Variants in LRRIQ3 observed in about 807,000 individuals in gnomAD.
The protein encoded by LRRIQ3 is leucine rich repeats and IQ motif containing 3.
LRRIQ3 carries 75 observed loss-of-function variants against 59.3 expected under a neutral mutation model. That is an observed-to-expected ratio of 1.26 (90% CI 1.05 to 1.53). The LOEUF is 1.53. LRRIQ3 is among the 40% of genes most tolerant of loss of function. The pLI, the probability that LRRIQ3 is intolerant of heterozygous loss-of-function variation, is 0.00. For synonymous variants in LRRIQ3, 250 were observed against 231.3 expected (o/e 1.08, Z -0.73); for missense variants, 831 against 710.0 (o/e 1.17, Z -1.94).
intron 6 of LRRIQ3, among the ~76,000 whole-genome samples, chr1:74,060,233 C>T (rs1169762961): frequency 6.8e-6 from 1 of 146,316 alleles, no homozygotes; most frequent in South Asian, 2.2e-4. Flanking sequence ...TCTTCTTCTT[C>T]TTCTTCTTCT....
In LRRIQ3 at chr1:74,198,046, C is replaced by T; in HGVS notation, c.-51G>A. 1 of 853,372 alleles carries T rather than the reference C, an allele frequency of 1.2e-6. No individual in the cohort carries two copies. Among genetic ancestry groups the T allele is most frequent in the Admixed American group, 3.0e-5 (1 of 33,172 alleles). The allele number at this position is 853,372 out of a possible 1,614,324, so 52.9% of individuals were successfully genotyped here. ...ATGAGTTGGAGACAAGTGGCCCAGC[C>T]CCAACACAGTCAGACAAATCGCTGG... On this transcript the variant is annotated 5_prime_UTR_variant, in exon 1 of 8. Transcript: ENST00000354431.
At chr1:74,076,003 G>A (rs1022601460) in intron 5 of LRRIQ3, among the ~76,000 whole-genome samples, 16 of 152,056 alleles carry the variant, frequency 1.1e-4, no homozygotes, top group Middle Eastern at 3.2e-3. Context: ...CCCCACATCC[G>A]GCTATGAAGG....
intron 5 of LRRIQ3, chr1:74,082,192 T>A (rs1335534087): frequency 2.0e-5 from 3 of 151,524 alleles, no homozygotes; most frequent in African/African-American, 7.3e-5. Flanking sequence ...TATTTCCCTA[T>A]GTAGATGTGA....
intron 6 of LRRIQ3, among the ~76,000 whole-genome samples, chr1:74,042,899 G>A (rs975596419): frequency 6.6e-6 from 1 of 152,028 alleles, no homozygotes; most frequent in Admixed American, 6.6e-5. Flanking sequence ...ACGTAGAGAT[G>A]AGAATGAAAC....
In LRRIQ3 at chr1:74,041,246, C is replaced by T. The variant is rs1342131718; in HGVS notation, c.1685G>A (p.Arg562Lys). The change falls in exon 7 of 8, where the codon AGA (arginine) becomes AAA (lysine). Residue 562 changes from arginine to lysine, a missense_variant. Coordinates refer to ENST00000354431, the MANE Select transcript of LRRIQ3 (RefSeq NM_001105659.2). ...VKQKLKAEKY[R>K]KNLLKEMKKV... ...TTTCATTTCTTTAAGTAAATTCTTT[C>T]TATATTTTTCTGCTTTTAGTTTTTG... 6.3e-7 allele frequency: 1 copy of T among 1,587,592 alleles called. No homozygotes were observed. Among genetic ancestry groups the T allele is most frequent in the Non-Finnish European group, 8.5e-7 (1 of 1,170,354 alleles).
intron 3 of LRRIQ3, among the ~76,000 whole-genome samples, chr1:74,158,603 G>A (rs918255771): frequency 3.3e-5 from 5 of 152,060 alleles, no homozygotes; most frequent in African/African-American, 1.2e-4. Flanking sequence ...CCTGTGTCGT[G>A]TGAAATAATT....
intron 3 of LRRIQ3, among the ~76,000 whole-genome samples, chr1:74,163,966 T>G (rs2100685214): frequency 6.6e-6 from 1 of 151,662 alleles, no homozygotes; most frequent in South Asian, 2.1e-4. Flanking sequence ...TCATTGTGGT[T>G]TCAATTTCCA....
At chr1:74,072,651 G>T (rs113887206) in intron 6 of LRRIQ3, among the ~76,000 whole-genome samples, 1 of 151,900 alleles carries the variant, frequency 6.6e-6, no homozygotes, top group African/African-American at 2.4e-5. Flanking sequence ...ATATGGTGGG[G>T]CAATTTATGC....
intron 6 of LRRIQ3, among the ~76,000 whole-genome samples, chr1:74,073,690 G>A (rs528856829): frequency 1.3e-5 from 2 of 151,868 alleles, no homozygotes; most frequent in East Asian, 3.9e-4. Flanking sequence ...CTGGCAATGA[G>A]GATCTAACAG....
intron 4 of LRRIQ3, among the ~76,000 whole-genome samples, chr1:74,121,458 T>C (rs561813166): frequency 1.3e-5 from 2 of 152,278 alleles, no homozygotes; most frequent in Non-Finnish European, 2.9e-5. Flanking sequence ...TGGGCAAGAC[T>C]ATGTGGCACA....
At chr1:74,096,923 G>A (rs1646457043) in intron 5 of LRRIQ3, among the ~76,000 whole-genome samples, 1 of 152,084 alleles carries the variant, frequency 6.6e-6, no homozygotes, top group Non-Finnish European at 1.5e-5. Context: ...CGTCTCAGAG[G>A]GGTACCCGGC....
intron 5 of LRRIQ3, among the ~76,000 whole-genome samples, chr1:74,101,821 A>G (rs889445379): frequency 5.9e-5 from 9 of 152,046 alleles, no homozygotes; most frequent in African/African-American, 2.2e-4. Context: ...AAAAAACCAA[A>G]CACCGCATGT....
intron 3 of LRRIQ3, among the ~76,000 whole-genome samples, chr1:74,159,829 CATATT>C (rs1570234614): frequency 6.6e-6 from 1 of 152,224 alleles, no homozygotes; most frequent in African/African-American, 2.4e-5. Flanking sequence ...AATCCACACT[CATATT>C]ATATTATCTA....
chr1:74,172,068 T>G (rs1649357265), intron 3 of LRRIQ3, among the ~76,000 whole-genome samples: 1 of 152,176 alleles, frequency 6.6e-6, no homozygotes, highest in South Asian at 2.1e-4. Flanking sequence ...CAACTGAATT[T>G]TGTTGAATTT....
At chr1:74,035,089 C>T (rs72960122) in intron 7 of LRRIQ3, among the ~76,000 whole-genome samples, 25 of 152,046 alleles carry the variant, frequency 1.6e-4, no homozygotes, top group African/African-American at 5.5e-4. Context: ...TTTCAATCTC[C>T]GTGAACAATT....
chr1:74,028,092 G>C (rs1004741047), intron 7 of LRRIQ3, among the ~76,000 whole-genome samples: 3 of 152,086 alleles, frequency 2.0e-5, no homozygotes, highest in Non-Finnish European at 4.4e-5. Context: ...AACAAAGGTA[G>C]AGAGGGTAGC....
chr1:74,065,717 A>G (rs1206153481), intron 6 of LRRIQ3, among the ~76,000 whole-genome samples: 1 of 152,018 alleles, frequency 6.6e-6, no homozygotes, highest in Non-Finnish European at 1.5e-5. Context: ...TTGTAATTTT[A>G]TTTTTTATTA....
At chr1:74,191,480 A>G (rs937383740) in intron 1 of LRRIQ3, among the ~76,000 whole-genome samples, 4 of 152,154 alleles carry the variant, frequency 2.6e-5, no homozygotes, top group Admixed American at 2.6e-4. Flanking sequence ...ACAACAACAG[A>G]ATATACATTC....
rs201627928 is a variant in LRRIQ3 at position 74,107,457 on chromosome 1, G to GC, written c.867+1936dup. Among the ~76,000 whole-genome samples the GC allele has an allele frequency of 2.6e-3, 389 of 151,268 alleles. 2 individuals carry two copies. Among genetic ancestry groups the GC allele is most frequent in the African/African-American group, 9.2e-3 (378 of 41,236 alleles). On this transcript the variant is annotated intron_variant, in intron 5 of 7. Transcript: ENST00000354431. ...AGTTTCTTACAAACCAAACTCCAAG[G>GC]CACAAGAAATCAGGTAGCTCACTTA...
Sources: allele counts gnomAD v4.1 joint callset (sites outside exome capture counted in the v4.1 genomes callset), GRCh38; gene constraint gnomAD v4.1.1; transcripts MANE v1.5; gene names NCBI Gene and HGNC (gene_info 2026-07-23, HGNC 2026-07-21).